KATNAL1: variants seen among roughly 807,000 people sequenced by gnomAD.
The protein encoded by KATNAL1 is katanin catalytic subunit A1 like 1, also known as katanin p60 ATPase-containing subunit A-like 1.
KATNAL1 carries 32 observed loss-of-function variants against 55.2 expected under a neutral mutation model. That is an observed-to-expected ratio of 0.58 (90% CI 0.44 to 0.78). KATNAL1 has a LOEUF of 0.78. Among genes scored for constraint, KATNAL1 ranks in the 30% least tolerant of loss-of-function variants. The probability of loss-of-function intolerance (pLI) is 0.00; values close to 1 mark genes in which losing one functional copy is unlikely to be tolerated. For synonymous variants in KATNAL1, 193 were observed against 193.6 expected, an observed-to-expected ratio of 1.00 and a Z score of 0.02; for missense variants, 466 against 600.9, an observed-to-expected ratio of 0.78 and a Z score of 2.35.
rs2137327974 is a variant in KATNAL1 at position 30,207,120 on chromosome 13, G to A, written c.*1420C>T. ...ATTATTTTTAGTTTTAAACCAGTAG[G>A]CACTATTCGAAACTGAGAATTCAGG... On this transcript the variant is annotated 3_prime_UTR_variant, in exon 11 of 11. Transcript: ENST00000380615. 1 of 152,200 alleles carries A rather than the reference G, an allele frequency of 6.6e-6. No individual in the cohort carries two copies. Among genetic ancestry groups the A allele is most frequent in the African/African-American group, 2.4e-5 (1 of 41,534 alleles). The allele number at this position is 152,200 out of a possible 1,614,324, so 9.4% of individuals were successfully genotyped here. A position where few individuals can be genotyped will look rare whatever the true frequency, so the allele number is the denominator to read the frequency against.
intron 9 of KATNAL1, among the ~76,000 whole-genome samples, chr13:30,222,831 G>A (rs968363480): frequency 6.6e-6 from 1 of 152,142 alleles, no homozygotes; most frequent in Non-Finnish European, 1.5e-5. Flanking sequence ...AGTGGCTCAT[G>A]CCCGTAATCT....
rs35463025 is a variant in KATNAL1, at chr13:30,283,266, C to CAAAA, written c.162+346_162+349dup. ...TGGGCGACAGAACAAGACTCTGTCT[C>CAAAA]AAAAAAAAAAAAAAAAAAAAAAAAA... On this transcript the variant is annotated intron_variant, in intron 2 of 10. Coordinates refer to ENST00000380615, the MANE Select transcript of KATNAL1 (RefSeq NM_032116.5). Among the ~76,000 whole-genome samples, 211 of 34,712 alleles carry CAAAA rather than the reference C, an allele frequency of 6.1e-3. 17 individuals are homozygous for CAAAA. The highest frequency in any genetic ancestry group is 0.021 in the African/African-American group (143 of 6,920). The allele number at this position is 34,712 out of a possible 152,430, so 22.8% of individuals were successfully genotyped here.
At chr13:30,265,415 AAAG>A (rs1177825223) in intron 3 of KATNAL1, among the ~76,000 whole-genome samples, 7 of 93,602 alleles carry the variant, frequency 7.5e-5, no homozygotes, top group South Asian at 3.6e-4. Context: ...AATTAAAAAA[AAAG>A]AAAAAAAAGC....
intron 6 of KATNAL1, among the ~76,000 whole-genome samples, chr13:30,237,248 T>C (rs1163567547): frequency 6.6e-6 from 1 of 152,238 alleles, no homozygotes; most frequent in Admixed American, 6.5e-5. Context: ...AGTGTAAATT[T>C]ATCCAATGCT....
chr13:30,226,671 T>G (rs1272805024), intron 9 of KATNAL1, among the ~76,000 whole-genome samples: 1 of 152,238 alleles, frequency 6.6e-6, no homozygotes, highest in African/African-American at 2.4e-5. Flanking sequence ...TGTACAGATT[T>G]GTACTCATCA....
Position 30,203,366 on chromosome 13 carries a change from T to C in KATNAL1, c.*5174A>G, listed in dbSNP as rs1406617149. ...AACTGAATTTAATTCAATTCATTCCTGCCTAAAACTAAGCCTGGTTAACTG... is the reference window on the plus strand; with the variant it reads ...AACTGAATTTAATTCAATTCATTCCCGCCTAAAACTAAGCCTGGTTAACTG... On this transcript the variant is annotated 3_prime_UTR_variant, in exon 11 of 11. Transcript: ENST00000380615. The C allele has an allele frequency of 6.6e-6, 1 of 152,254 alleles. No homozygotes were observed. Among genetic ancestry groups the C allele is most frequent in the Non-Finnish European group, 1.5e-5 (1 of 68,038 alleles). The allele number at this position is 152,254 out of a possible 1,614,324, so 9.4% of individuals were successfully genotyped here.
rs1455424256 is a variant in KATNAL1, at chr13:30,255,537, TC to T, written c.401del (p.Gly134AspfsTer3). 1.9e-6 allele frequency: 3 copies of T among 1,594,556 alleles called. No homozygotes were observed. The highest frequency in any genetic ancestry group is 2.2e-5 in the South Asian group (2 of 89,082). On this transcript the variant is annotated frameshift_variant, in exon 4 of 11. Coordinates refer to ENST00000380615, the MANE Select transcript of KATNAL1 (RefSeq NM_032116.5). LOFTEE classifies it high-confidence loss of function. The stretch of plus-strand genomic sequence containing the variant: ...ATATAGGATGTGCTCGGCCTACAGG[TC>T]CCCGGGCTCCTACTCCTGCCATTTC... Reference protein sequence around the residue: ...RKEMAGVGARGPVGRAHPISK... With the variant: ...RKEMAGVGARXPVGRAHPISK...
At chr13:30,218,485 T>C (rs541512392) in intron 9 of KATNAL1, among the ~76,000 whole-genome samples, 1 of 152,214 alleles carries the variant, frequency 6.6e-6, no homozygotes, top group South Asian at 2.1e-4. Flanking sequence ...AAATTGTATT[T>C]ACCAAGACAG....
chr13:30,253,377 T>G (rs1393425719), intron 4 of KATNAL1, among the ~76,000 whole-genome samples: 1 of 152,014 alleles, frequency 6.6e-6, no homozygotes, highest in African/African-American at 2.4e-5. Context: ...TACATGTCAA[T>G]GAAAGAATAA....
intron 9 of KATNAL1, among the ~76,000 whole-genome samples, chr13:30,225,008 C>T (rs1261605219): frequency 3.9e-5 from 6 of 152,168 alleles, no homozygotes; most frequent in Non-Finnish European, 7.3e-5. Flanking sequence ...CTTGGTTCTC[C>T]TTATTAGTGT....
chr13:30,224,182 A>C (rs1379627702), intron 9 of KATNAL1, among the ~76,000 whole-genome samples: 1 of 152,138 alleles, frequency 6.6e-6, no homozygotes, highest in African/African-American at 2.4e-5. Context: ...GATATAGCAA[A>C]ATTTGTGAGA....
intron 1 of KATNAL1, among the ~76,000 whole-genome samples, chr13:30,304,964 C>G (rs1043730124): frequency 6.6e-6 from 1 of 152,168 alleles, no homozygotes; most frequent in Non-Finnish European, 1.5e-5. Context: ...CTTAAATATT[C>G]CTTGAATCCA....
In KATNAL1 at chr13:30,231,326, C is replaced by G; in HGVS notation, c.873G>C (p.Leu291=). 1 of 1,607,078 alleles carries G rather than the reference C, an allele frequency of 6.2e-7. No individual in the cohort carries two copies. Among genetic ancestry groups the G allele is most frequent in the East Asian group, 2.2e-5 (1 of 44,732 alleles). ...TATCGTCACTCACCATCTCAAACAA[C>G]AGACGAACTAACTTCTCAGATTCAC... ...YRGESEKLVR[L]LFEMARFYAP... The change falls in exon 7 of 11, where the codon CTG becomes CTC. Residue 291 remains leucine (L), a synonymous_variant. Transcript: ENST00000380615.
intron 1 of KATNAL1, among the ~76,000 whole-genome samples, chr13:30,295,112 T>C (rs973489637): frequency 1.3e-5 from 2 of 152,224 alleles, no homozygotes; most frequent in Non-Finnish European, 2.9e-5. Flanking sequence ...CTGCAGGCCA[T>C]GGATAAAGGA....
chr13:30,306,570 A>C (rs2137582644), intron 1 of KATNAL1: 1 of 152,338 alleles, frequency 6.6e-6, no homozygotes, highest in South Asian at 2.1e-4. Context: ...ACATCTTTTT[A>C]TCTATTTCCA....
At position 30,203,822 on chromosome 13, in the gene KATNAL1, T is replaced by A. The variant is rs1302047248; in HGVS notation, c.*4718A>T. ...TGAATGTTTAAAAATATATCTATTA[T>A]CCTAATAATTTGATTATTAAAATAC... On this transcript the variant is annotated 3_prime_UTR_variant, in exon 11 of 11. Transcript: ENST00000380615. The A allele has an allele frequency of 2.6e-5, 4 of 152,252 alleles. No homozygotes were observed. Among genetic ancestry groups the A allele is most frequent in the African/African-American group, 9.6e-5 (4 of 41,556 alleles). 9.4% of individuals were successfully genotyped at this position (152,252 alleles called of 1,614,324 possible).
chr13:30,223,398 T>TAC (rs2137375318), intron 9 of KATNAL1, among the ~76,000 whole-genome samples: 1 of 123,406 alleles, frequency 8.1e-6, no homozygotes, highest in African/African-American at 3.1e-5. Flanking sequence ...GCCCAGATCC[T>TAC]GCCACTGCAC....
intron 4 of KATNAL1, among the ~76,000 whole-genome samples, chr13:30,245,573 G>GAAAT (rs992571370): frequency 6.6e-6 from 1 of 152,126 alleles, no homozygotes; most frequent in African/African-American, 2.4e-5. Context: ...GAAAGAGAAA[G>GAAAT]AAATAAAGGG....
intron 9 of KATNAL1, among the ~76,000 whole-genome samples, chr13:30,211,132 T>G (rs1873651766): frequency 6.6e-6 from 1 of 152,228 alleles, no homozygotes; most frequent in South Asian, 2.1e-4. Context: ...GATAATGCAT[T>G]ACTAGTTTAT....
Sources: allele counts gnomAD v4.1 joint callset (sites outside exome capture counted in the v4.1 genomes callset), GRCh38; gene constraint gnomAD v4.1.1; transcripts MANE v1.5; gene names NCBI Gene and HGNC (gene_info 2026-07-23, HGNC 2026-07-21).